OCA2: variants seen among roughly 807,000 people sequenced by gnomAD.
OCA2 encodes the protein P protein.
A neutral mutation model predicts 100.2 loss-of-function variants in OCA2; 77 were observed. That is an observed-to-expected ratio of 0.77 (90% confidence interval 0.64 to 0.93). OCA2 has a LOEUF of 0.93. OCA2 is among the 40% of genes least tolerant of loss of function. The pLI is 0.00. For synonymous variants in OCA2, 432 were observed against 439.2 expected, an observed-to-expected ratio of 0.98 and a Z score of 0.21; for missense variants, 1,062 against 1,089.1, an observed-to-expected ratio of 0.98 and a Z score of 0.35.
chr15:27,983,616 G>A, intron 13 of OCA2, 133 bp from the exon 14 acceptor site: 1 of 949,004 alleles, frequency 1.1e-6, no homozygotes, highest in Non-Finnish European at 1.7e-6. Flanking sequence ...TGTGGGGAAG[G>A]CAGTGCTGGG....
chr15:27,990,414 G>A (rs1454028657), intron 10 of OCA2, among the ~76,000 whole-genome samples, 162 bp downstream of exon 10: 1 of 152,214 alleles, frequency 6.6e-6, no homozygotes, highest in African/African-American at 2.4e-5. Context: ...ACTCTTCAAT[G>A]CTGTAGCTTG....
Position 28,063,837 on chromosome 15 carries a change from C to T in OCA2, c.227+17811G>A, listed in dbSNP as rs188811103. ...AGAATGAAGGAGTTGCATAGAAAAA[C>T]ATACATTTATGCTGTGTTTTATGTT... is the stretch of plus-strand genomic sequence containing the variant. On this transcript the variant is annotated intron_variant, in intron 2 of 23. Transcript: ENST00000354638. Among the ~76,000 whole-genome samples the T allele has an allele frequency of 1.1e-3, 161 of 152,240 alleles. 1 individual carries two copies. The highest frequency in any genetic ancestry group is 3.6e-3 in the African/African-American group (151 of 41,570).
chr15:27,770,362 C>T (rs542910931), intron 23 of OCA2, among the ~76,000 whole-genome samples: 79 of 152,310 alleles, frequency 5.2e-4, no homozygotes, highest in Non-Finnish European at 7.6e-4. Flanking sequence ...TCAGTGCGCC[C>T]GGTTTCTCAG....
intron 21 of OCA2, 119 bp from the exon 22 acceptor site, chr15:27,851,594 A>G (rs2035757352): frequency 3.5e-6 from 3 of 863,168 alleles, no homozygotes; most frequent in African/African-American, 1.7e-5. Context: ...GGAGCATAAG[A>G]TTTGTGGAAA....
intron 2 of OCA2, among the ~76,000 whole-genome samples, chr15:28,080,498 A>G (rs543442289): frequency 6.6e-6 from 1 of 152,402 alleles, no homozygotes; most frequent in East Asian, 1.9e-4. Context: ...ATTGCCAAAG[A>G]GAGCAACTCA....
chr15:27,781,496 T>C (rs895850965), intron 23 of OCA2, among the ~76,000 whole-genome samples: 2 of 152,232 alleles, frequency 1.3e-5, no homozygotes, highest in Non-Finnish European at 2.9e-5. Flanking sequence ...GAAATAATTT[T>C]TTCCCAGCAC....
At chr15:28,044,535 T>C (rs2043292734) in intron 2 of OCA2, among the ~76,000 whole-genome samples, 1 of 152,238 alleles carries the variant, frequency 6.6e-6, no homozygotes, top group African/African-American at 2.4e-5. Context: ...ATGGCAATTA[T>C]CCCTGCCACG....
At chr15:28,026,831 C>G (rs1039902556) in intron 4 of OCA2, among the ~76,000 whole-genome samples, 1 of 152,240 alleles carries the variant, frequency 6.6e-6, no homozygotes, top group African/African-American at 2.4e-5. Flanking sequence ...TCCCCACACA[C>G]AGAGACACGG....
At chr15:28,062,187 A>G (rs1202525881) in intron 2 of OCA2, among the ~76,000 whole-genome samples, 4 of 152,242 alleles carry the variant, frequency 2.6e-5, no homozygotes, top group Non-Finnish European at 5.9e-5. Context: ...TCCCACTGGC[A>G]ATGCATGAGA....
intron 19 of OCA2, among the ~76,000 whole-genome samples, chr15:27,894,569 G>A (rs531645077): frequency 6.6e-6 from 1 of 152,302 alleles, no homozygotes; most frequent in South Asian, 2.1e-4. Context: ...AGAGTGAGGA[G>A]ACAGTAGCCA....
chr15:27,842,804 TCAC>T (rs2035388650), intron 23 of OCA2, among the ~76,000 whole-genome samples: 1 of 152,062 alleles, frequency 6.6e-6, no homozygotes, highest in Non-Finnish European at 1.5e-5. Flanking sequence ...TACTAGCTGT[TCAC>T]CACAGTAACT....
At chr15:27,874,400 A>G (rs2036705986) in intron 19 of OCA2, among the ~76,000 whole-genome samples, 1 of 152,166 alleles carries the variant, frequency 6.6e-6, no homozygotes, top group Non-Finnish European at 1.5e-5. Context: ...CTTGAAATGC[A>G]CTAAAATTAT....
chr15:28,048,723 G>A (rs766359395), intron 2 of OCA2, among the ~76,000 whole-genome samples: 2 of 152,058 alleles, frequency 1.3e-5, no homozygotes, highest in Admixed American at 6.6e-5. Context: ...AGACATTTCA[G>A]GGCCGGGCAC....
At chr15:28,017,256 G>C (rs2042426952) in intron 7 of OCA2, among the ~76,000 whole-genome samples, 1 of 152,158 alleles carries the variant, frequency 6.6e-6, no homozygotes, top group Admixed American at 6.5e-5. Context: ...AAGATCTCTT[G>C]GGTTTCCCAT....
At chr15:27,932,497 G>C (rs761806561) in intron 18 of OCA2, among the ~76,000 whole-genome samples, 1 of 152,080 alleles carries the variant, frequency 6.6e-6, no homozygotes, top group Non-Finnish European at 1.5e-5. Flanking sequence ...GGGGCGGTGG[G>C]GGCAGGCAGA....
intron 23 of OCA2, among the ~76,000 whole-genome samples, chr15:27,767,553 GTAAAAATGCACCAATCAGCACTCTA>G: frequency 2.6e-5 from 4 of 151,950 alleles, no homozygotes; most frequent in African/African-American, 9.7e-5. Context: ...TCAGCACTCT[GTAAAAATGCACCAATCAGCACTCTA>G]TGTCTAGCTA....
chr15:28,064,618 C>A (rs1471191335), intron 2 of OCA2, among the ~76,000 whole-genome samples: 3 of 151,992 alleles, frequency 2.0e-5, no homozygotes, highest in African/African-American at 7.2e-5. Context: ...TTGCTGATTT[C>A]TTTTTTATAA....
intron 9 of OCA2, among the ~76,000 whole-genome samples, chr15:28,003,796 C>G (rs1176028541): frequency 6.6e-6 from 1 of 152,216 alleles, no homozygotes; most frequent in African/African-American, 2.4e-5. Context: ...CCAGCCTGCT[C>G]GCGTCCTCGA....
At chr15:27,880,903 G>A (rs1174141487) in intron 19 of OCA2, among the ~76,000 whole-genome samples, 2 of 152,196 alleles carry the variant, frequency 1.3e-5, no homozygotes, top group Non-Finnish European at 2.9e-5. Flanking sequence ...TTGAATAGGA[G>A]TGGTGAGAGA....
Sources: allele counts gnomAD v4.1 joint callset (sites outside exome capture counted in the v4.1 genomes callset), GRCh38; gene constraint gnomAD v4.1.1; transcripts MANE v1.5; gene names NCBI Gene and HGNC (gene_info 2026-07-23, HGNC 2026-07-21).